The following FHL2 variants were observed in gnomAD, a reference collection of about 807,000 sequenced individuals.
The protein encoded by FHL2 is four and a half LIM domains 2, also known as four and a half LIM domains protein 2.
FHL2 carries 20 observed loss-of-function variants against 32.7 expected under a neutral mutation model. The observed-to-expected ratio is 0.61, with a 90% CI of 0.43 to 0.89. FHL2 has a LOEUF of 0.89. Among genes scored for constraint, FHL2 ranks in the 40% least tolerant of loss-of-function variants. FHL2 has a pLI of 0.00. For synonymous variants in FHL2, 123 were observed against 128.1 expected (o/e 0.96, Z 0.27); for missense variants, 311 against 358.6 (o/e 0.87, Z 1.07).
chr2:105,396,522 A>G, intron 2 of FHL2, 125 bp downstream of exon 2: 1 of 802,330 alleles, frequency 1.2e-6, no homozygotes, highest in Admixed American at 2.2e-5. Context: ...AGACACACCC[A>G]GAACATATGA....
chr2:105,407,707 C>T (rs528008792), intron 1 of FHL2, among the ~76,000 whole-genome samples: 4 of 152,168 alleles, frequency 2.6e-5, no homozygotes, highest in Non-Finnish European at 5.9e-5. Context: ...GGGAAGTGTG[C>T]ATGTGGACGT....
chr2:105,380,460 C>T (rs1412275317), intron 3 of FHL2, among the ~76,000 whole-genome samples: 4 of 152,094 alleles, frequency 2.6e-5, no homozygotes, highest in African/African-American at 9.7e-5. Context: ...AACTCTTGGC[C>T]TTAAGTGATC....
At chr2:105,429,987 T>C (rs939807868) in intron 1 of FHL2, among the ~76,000 whole-genome samples, 1 of 152,218 alleles carries the variant, frequency 6.6e-6, no homozygotes, top group African/African-American at 2.4e-5. Context: ...GACGTGGTTC[T>C]GGGAAGTTAA....
At chr2:105,387,961 C>T (rs1373866016) in intron 2 of FHL2, among the ~76,000 whole-genome samples, 10 of 152,162 alleles carry the variant, frequency 6.6e-5, no homozygotes, top group South Asian at 2.1e-4. Context: ...TGCAGGAACA[C>T]GGATGGAGCT....
chr2:105,410,448 A>G (rs796905196), intron 1 of FHL2, among the ~76,000 whole-genome samples: 7 of 152,256 alleles, frequency 4.6e-5, no homozygotes, highest in African/African-American at 1.4e-4. Flanking sequence ...AGCCTGTGTC[A>G]GGGGCCATGA....
intron 1 of FHL2, among the ~76,000 whole-genome samples, chr2:105,410,432 A>T (rs1683757526): frequency 6.6e-6 from 1 of 152,038 alleles, no homozygotes; most frequent in Non-Finnish European, 1.5e-5. Flanking sequence ...AGTTAAACTG[A>T]ATGTGAGCCT....
At chr2:105,412,911 T>A (rs1387429911) in intron 1 of FHL2, among the ~76,000 whole-genome samples, 1 of 151,836 alleles carries the variant, frequency 6.6e-6, no homozygotes, top group African/African-American at 2.4e-5. Context: ...TGAGGGTCAG[T>A]GACAATGGAG....
At chr2:105,366,239 G>A (rs968993985) in intron 5 of FHL2, among the ~76,000 whole-genome samples, 3 of 151,962 alleles carry the variant, frequency 2.0e-5, no homozygotes, top group African/African-American at 7.2e-5. Flanking sequence ...GGAAATGAGA[G>A]AAAGACTGAA....
upstream of FHL2, among the ~76,000 whole-genome samples, chr2:105,404,011 G>T (rs11124030): frequency 0.15 from 22,805 of 152,180 alleles, 2,112 homozygotes; most frequent in South Asian, 0.22. Flanking sequence ...TCGTGGGGGG[G>T]AGGCTGGTGG....
intron 1 of FHL2, among the ~76,000 whole-genome samples, chr2:105,419,579 C>T (rs1006700045): frequency 1.3e-5 from 2 of 152,226 alleles, no homozygotes; most frequent in South Asian, 2.1e-4. Context: ...AAACAAACCT[C>T]ACCAATATCA....
At chr2:105,394,582 A>G (rs1056976946) in intron 2 of FHL2, among the ~76,000 whole-genome samples, 1 of 149,902 alleles carries the variant, frequency 6.7e-6, no homozygotes, top group Admixed American at 6.7e-5. Context: ...AGACCCTGGG[A>G]AAAAAAAAAG....
chr2:105,414,260 C>G (rs982229162), intron 1 of FHL2, among the ~76,000 whole-genome samples: 1 of 152,160 alleles, frequency 6.6e-6, no homozygotes, highest in Non-Finnish European at 1.5e-5. Flanking sequence ...TTCAACCATC[C>G]GGACACCCAT....
At chr2:105,396,543 G>T in intron 2 of FHL2, 104 bp downstream of exon 2, 1 of 971,438 alleles carries the variant, frequency 1.0e-6, no homozygotes, top group South Asian at 1.4e-5. Context: ...CTGAATGTTT[G>T]GGCACCGCAT....
At chr2:105,372,295 A>G (rs924661254) in intron 4 of FHL2, among the ~76,000 whole-genome samples, 2 of 151,856 alleles carry the variant, frequency 1.3e-5, no homozygotes, top group Non-Finnish European at 2.9e-5. Context: ...GCGTGATCTC[A>G]GCTCACTGCA....
chr2:105,393,265 G>A (rs1010588566), intron 2 of FHL2, among the ~76,000 whole-genome samples: 1 of 152,080 alleles, frequency 6.6e-6, no homozygotes, highest in African/African-American at 2.4e-5. Flanking sequence ...CCTGCTGCAG[G>A]AGGCTCCTCT....
intron 1 of FHL2, among the ~76,000 whole-genome samples, chr2:105,437,723 A>G (rs1178819768): frequency 6.6e-6 from 1 of 152,202 alleles, no homozygotes; most frequent in Admixed American, 6.5e-5. Flanking sequence ...ATGGCATCCT[A>G]TCAATATTGA....
Position 105,367,595 on chromosome 2 carries a change from G to A in FHL2, c.476C>T (p.Ala159Val). The change falls in exon 5 of 7, where the codon GCC becomes GTC. Residue 159 changes from alanine (A) to valine (V), a missense_variant. Coordinates refer to ENST00000530340, the MANE Select transcript of FHL2 (RefSeq NM_001318895.3). ...CTTTTTGCACTGAACGCACTGCATG[G>A]CATGTTGTTTCTCATAGCAGGGCAC... Reference protein sequence around the residue: ...FCVPCYEKQHAMQCVQCKKPI... With the variant: ...FCVPCYEKQHVMQCVQCKKPI... 1 of 1,614,048 alleles carries A rather than the reference G, an allele frequency of 6.2e-7. No homozygotes were observed.
intron 4 of FHL2, among the ~76,000 whole-genome samples, chr2:105,371,384 A>G (rs1681051065): frequency 6.6e-6 from 1 of 152,140 alleles, no homozygotes; most frequent in South Asian, 2.1e-4. Context: ...CAAGACTGCA[A>G]TAGACACACC....
chr2:105,428,659 G>T (rs554962405), intron 1 of FHL2, among the ~76,000 whole-genome samples: 51 of 152,324 alleles, frequency 3.3e-4, no homozygotes, highest in Admixed American at 5.9e-4. Flanking sequence ...TGCTAGGCTG[G>T]TTCCTGGAGC....
Sources: allele counts gnomAD v4.1 joint callset (sites outside exome capture counted in the v4.1 genomes callset), GRCh38; gene constraint gnomAD v4.1.1; transcripts MANE v1.5; gene names NCBI Gene and HGNC (gene_info 2026-07-23, HGNC 2026-07-21).